Variants in KIF26B observed in about 807,000 individuals in gnomAD.
KIF26B encodes kinesin-like protein KIF26B.
KIF26B carries 63 observed loss-of-function variants against 151.2 expected under a neutral mutation model. That is an observed-to-expected ratio of 0.42 (90% CI 0.34 to 0.51). The LOEUF is 0.51. Ranked by LOEUF, KIF26B falls within the 20% of genes least tolerant of loss-of-function variation. The pLI is 0.07. For synonymous variants in KIF26B, 1,357 were observed against 1,262.1 expected, an observed-to-expected ratio of 1.08 and a Z score of -1.59; for missense variants, 2,813 against 2,913.6, an observed-to-expected ratio of 0.97 and a Z score of 0.79.
intron 3 of KIF26B, among the ~76,000 whole-genome samples, chr1:245,374,134 T>TAC (rs1673215380): frequency 2.5e-5 from 2 of 81,484 alleles, no homozygotes; most frequent in African/African-American, 4.4e-5. Context: ...TATATATATA[T>TAC]ATATGGGCAC....
chr1:245,570,409 CTT>C (rs1036303662), intron 5 of KIF26B, among the ~76,000 whole-genome samples: 3 of 152,178 alleles, frequency 2.0e-5, no homozygotes, highest in African/African-American at 7.2e-5. Context: ...TGGCATCTGT[CTT>C]TTTCTCATCA....
At chr1:245,416,729 G>A (rs1258207773) in intron 3 of KIF26B, among the ~76,000 whole-genome samples, 1 of 152,186 alleles carries the variant, frequency 6.6e-6, no homozygotes, top group Non-Finnish European at 1.5e-5. Context: ...ACGGCAGAAG[G>A]AGCAGGAGGT....
chr1:245,261,977 C>G (rs987750790), intron 2 of KIF26B, among the ~76,000 whole-genome samples: 5 of 152,168 alleles, frequency 3.3e-5, no homozygotes, highest in African/African-American at 1.2e-4. Flanking sequence ...TTATTTCTCT[C>G]CACAGCAGTT....
intron 3 of KIF26B, among the ~76,000 whole-genome samples, chr1:245,384,497 T>C (rs704654): frequency 0.13 from 19,795 of 152,204 alleles, 1,622 homozygotes; most frequent in East Asian, 0.32. Flanking sequence ...TGACAGCTCA[T>C]CGCAGTCTCA....
intron 2 of KIF26B, among the ~76,000 whole-genome samples, chr1:245,168,794 T>C (rs1184598066): frequency 1.3e-5 from 2 of 152,218 alleles, no homozygotes; most frequent in Non-Finnish European, 2.9e-5. Context: ...GTGGGTTTAA[T>C]GCCCCGTAGT....
rs1042309385 is a variant in KIF26B, at chr1:245,601,504, G to A, written c.1351-1073G>A. Among the ~76,000 whole-genome samples the A allele has an allele frequency of 3.3e-5, 5 of 152,180 alleles. No homozygotes were observed. The highest frequency in any genetic ancestry group is 7.2e-5 in the African/African-American group (3 of 41,452). On this transcript the variant is annotated intron_variant, in intron 5 of 14. Coordinates refer to ENST00000407071, the MANE Select transcript of KIF26B (RefSeq NM_018012.4). This position sits in a 1 kb window ranked among gnomAD's most constrained non-coding sequence, Gnocchi z 4.4. ...AACCTGACAACTGATGAGACAAAGA[G>A]AACAAGACACAGAGAGGAATTTAGA...
chr1:245,385,650 AG>A (rs1408047190), intron 3 of KIF26B, among the ~76,000 whole-genome samples: 2 of 152,178 alleles, frequency 1.3e-5, no homozygotes, highest in Admixed American at 6.5e-5. Context: ...GAGGCAGAGA[AG>A]GAAGGGAAAA....
At chr1:245,697,204 G>A (rs2044706762) in intron 12 of KIF26B, among the ~76,000 whole-genome samples, 1 of 152,182 alleles carries the variant, frequency 6.6e-6, no homozygotes, top group South Asian at 2.1e-4. Context: ...GCCCCTTGTT[G>A]TCTCCTGGAG....
At chr1:245,184,664 A>C (rs1391752087) in intron 2 of KIF26B, among the ~76,000 whole-genome samples, 3 of 152,264 alleles carry the variant, frequency 2.0e-5, no homozygotes, top group Non-Finnish European at 4.4e-5. Context: ...TTCTCATCAC[A>C]AAATAATCTA....
chr1:245,614,926 TCGG>T (rs1558237392), intron 9 of KIF26B: 1 of 40,806 alleles, frequency 2.5e-5, no homozygotes, highest in Non-Finnish European at 4.4e-5. Flanking sequence ...ACCTTTAAAA[TCGG>T]ATAGGGATGA....
intron 6 of KIF26B, 77 bp from the exon 7 acceptor site, chr1:245,607,574 T>C (rs921665033): frequency 5.1e-6 from 6 of 1,175,590 alleles, no homozygotes; most frequent in Non-Finnish European, 7.3e-6. Context: ...CCCAGGAAGG[T>C]GGGCTCACTT....
At chr1:245,673,413 C>T (rs1308941949) in intron 10 of KIF26B, among the ~76,000 whole-genome samples, 6 of 148,012 alleles carry the variant, frequency 4.1e-5, no homozygotes, top group African/African-American at 1.3e-4. Flanking sequence ...CCCCGCTGCG[C>T]GCTGCCATCT....
intron 2 of KIF26B, among the ~76,000 whole-genome samples, chr1:245,313,237 T>G (rs1170599604): frequency 6.6e-6 from 1 of 152,070 alleles, no homozygotes; most frequent in Non-Finnish European, 1.5e-5. Context: ...CTAAGCTGGG[T>G]TAAGTTGTGG....
chr1:245,641,623 T>C (rs144203014), intron 9 of KIF26B, among the ~76,000 whole-genome samples: 300 of 152,318 alleles, frequency 2.0e-3, no homozygotes, highest in African/African-American at 6.8e-3. Context: ...ATACGCTCTA[T>C]TGCATTTTTC....
chr1:245,485,339 T>G (rs1316148221), intron 4 of KIF26B, among the ~76,000 whole-genome samples: 1 of 151,946 alleles, frequency 6.6e-6, no homozygotes, highest in Non-Finnish European at 1.5e-5. Context: ...AATTATACAC[T>G]TAAAGATGGT....
chr1:245,412,044 A>G (rs1336611306), intron 3 of KIF26B, among the ~76,000 whole-genome samples: 2 of 152,212 alleles, frequency 1.3e-5, no homozygotes, highest in Non-Finnish European at 2.9e-5. Context: ...TAGAATACAC[A>G]GAAATGTATT....
intron 2 of KIF26B, among the ~76,000 whole-genome samples, chr1:245,359,866 C>T (rs1374064468): frequency 7.0e-6 from 1 of 143,320 alleles, no homozygotes; most frequent in African/African-American, 3.0e-5. Flanking sequence ...TTCTTTCTTT[C>T]TTTCTTTCTT....
At chr1:245,346,726 T>C (rs1465878324) in intron 2 of KIF26B, among the ~76,000 whole-genome samples, 1 of 152,168 alleles carries the variant, frequency 6.6e-6, no homozygotes, top group Admixed American at 6.5e-5. Context: ...AATGCAGTCA[T>C]TATCTGTTAT....
At chr1:245,243,999 GT>G (rs1299418039) in intron 2 of KIF26B, among the ~76,000 whole-genome samples, 1 of 152,104 alleles carries the variant, frequency 6.6e-6, no homozygotes, top group East Asian at 1.9e-4. Context: ...GAATACAGTG[GT>G]GTGATCATGG....
Sources: gnomAD v4.1 joint callset for allele counts (sites outside exome capture counted in the v4.1 genomes callset) on GRCh38, gnomAD v4.1.1 for gene constraint, Gnocchi (gnomAD v3.1) non-coding constraint, MANE v1.5 for transcripts, NCBI Gene and HGNC (gene_info 2026-07-23, HGNC 2026-07-21) for gene names.